The following ASIC2 variants were observed in gnomAD, a reference collection of about 807,000 sequenced individuals.
ASIC2 encodes acid-sensing ion channel 2.
ASIC2 carries 25 observed loss-of-function variants against 57.3 expected under a neutral mutation model. That is an observed-to-expected ratio of 0.44 (90% CI 0.32 to 0.61). The LOEUF (loss-of-function observed/expected upper bound fraction) is 0.61, where lower values mean the gene tolerates loss of function less well. ASIC2 is among the 20% of genes least tolerant of loss of function. The pLI is 0.06. For missense variants in ASIC2, 641 were observed against 738.1 expected, an observed-to-expected ratio of 0.87 and a Z score of 1.52; for synonymous variants, 319 against 307.5, an observed-to-expected ratio of 1.04 and a Z score of -0.39.
intron 1 of ASIC2, among the ~76,000 whole-genome samples, chr17:33,397,966 G>T (rs1316173210): frequency 1.3e-5 from 2 of 152,168 alleles, no homozygotes; most frequent in African/African-American, 4.8e-5. Context: ...TCTCAATCAG[G>T]ATCATAGTGG....
At chr17:33,617,232 A>G (rs1905635733) in intron 1 of ASIC2, among the ~76,000 whole-genome samples, 1 of 152,350 alleles carries the variant, frequency 6.6e-6, no homozygotes, top group South Asian at 2.1e-4. Flanking sequence ...TTGCAGCACT[A>G]TTCACATAGC....
chr17:33,964,125 G>C (rs546989396), intron 1 of ASIC2, among the ~76,000 whole-genome samples: 1 of 152,234 alleles, frequency 6.6e-6, no homozygotes, highest in Non-Finnish European at 1.5e-5. Context: ...CCCAGGTGAG[G>C]CTTCAGAATC....
At chr17:33,267,476 T>C (rs1448531690) in intron 1 of ASIC2, among the ~76,000 whole-genome samples, 1 of 152,194 alleles carries the variant, frequency 6.6e-6, no homozygotes, top group African/African-American at 2.4e-5. Flanking sequence ...CCACACACTC[T>C]CGAGGATCAT....
chr17:33,820,371 A>C (rs1256362589), intron 1 of ASIC2, among the ~76,000 whole-genome samples: 1 of 152,240 alleles, frequency 6.6e-6, no homozygotes, highest in African/African-American at 2.4e-5. Context: ...AAGGTAAACT[A>C]TCTTGTTAAT....
intron 1 of ASIC2, among the ~76,000 whole-genome samples, chr17:33,271,646 G>A (rs1904497012): frequency 1.3e-5 from 2 of 152,034 alleles, no homozygotes; most frequent in South Asian, 2.1e-4. Context: ...TTCAATATAT[G>A]CCAAATTGGA....
intron 1 of ASIC2, among the ~76,000 whole-genome samples, chr17:34,151,126 T>A (rs9892768): frequency 0.16 from 15,664 of 98,010 alleles, 959 homozygotes; most frequent in Non-Finnish European, 0.19. Context: ...AAAAAAAAAA[T>A]AAAGAGGTAG....
chr17:33,188,063 T>C (rs959713547), intron 1 of ASIC2, among the ~76,000 whole-genome samples: 1 of 152,052 alleles, frequency 6.6e-6, no homozygotes, highest in Admixed American at 6.5e-5. Flanking sequence ...GCTATAATCA[T>C]ATATTATTTG....
At chr17:34,127,564 C>T (rs912891504) in intron 1 of ASIC2, among the ~76,000 whole-genome samples, 3 of 152,164 alleles carry the variant, frequency 2.0e-5, no homozygotes, top group Non-Finnish European at 4.4e-5. Context: ...TTTTTCTCTA[C>T]GTATAGGTAG....
chr17:33,671,780 A>T (rs1907646255), intron 1 of ASIC2, among the ~76,000 whole-genome samples: 1 of 152,142 alleles, frequency 6.6e-6, no homozygotes, highest in Non-Finnish European at 1.5e-5. Flanking sequence ...GAGTCGCGAG[A>T]TGCACCGCTT....
chr17:33,762,316 G>T (rs1474732400), intron 1 of ASIC2, among the ~76,000 whole-genome samples: 3 of 152,160 alleles, frequency 2.0e-5, no homozygotes, highest in Non-Finnish European at 4.4e-5. Flanking sequence ...AGGGATTACA[G>T]CTCATACCCC....
chr17:33,961,770 G>C (rs568320725), intron 1 of ASIC2, among the ~76,000 whole-genome samples: 17 of 152,232 alleles, frequency 1.1e-4, no homozygotes, highest in African/African-American at 3.9e-4. Context: ...AAGGGAGTCA[G>C]GTAGCCCTGG....
intron 1 of ASIC2, among the ~76,000 whole-genome samples, chr17:33,184,604 C>T (rs1401848754): frequency 1.3e-5 from 2 of 152,176 alleles, no homozygotes; most frequent in African/African-American, 2.4e-5. Flanking sequence ...CTGCTTTGAC[C>T]TGGTTTCATC....
chr17:33,663,366 T>G (rs17783142), intron 1 of ASIC2, among the ~76,000 whole-genome samples: 8,991 of 152,246 alleles, frequency 0.059, 391 homozygotes, highest in Non-Finnish European at 0.095. Flanking sequence ...GCTTTGTAAA[T>G]GGCTCTCAGT....
At chr17:34,067,507 T>C (rs184054907) in intron 1 of ASIC2, among the ~76,000 whole-genome samples, 1 of 152,164 alleles carries the variant, frequency 6.6e-6, no homozygotes, top group Admixed American at 6.5e-5. Flanking sequence ...TGAATTGGAA[T>C]AGCTTTTTTA....
chr17:33,016,636 C>T (rs924197348), intron 8 of ASIC2, among the ~76,000 whole-genome samples: 3 of 152,056 alleles, frequency 2.0e-5, no homozygotes, highest in East Asian at 1.9e-4. Flanking sequence ...TGTGCTGAGA[C>T]GCATGAGATT....
chr17:33,102,629 C>A (rs56396486), intron 2 of ASIC2, among the ~76,000 whole-genome samples: 4 of 151,996 alleles, frequency 2.6e-5, no homozygotes, highest in Non-Finnish European at 5.9e-5. Flanking sequence ...AGAATAGCTT[C>A]CTGGATGGAC....
At chr17:33,696,342 G>C (rs557191448) in intron 1 of ASIC2, among the ~76,000 whole-genome samples, 4 of 152,330 alleles carry the variant, frequency 2.6e-5, no homozygotes, top group African/African-American at 9.6e-5. Context: ...AACAGTGCTG[G>C]AGGCTCTCTT....
intron 1 of ASIC2, among the ~76,000 whole-genome samples, chr17:33,802,453 T>C (rs922465758): frequency 3.3e-5 from 5 of 152,188 alleles, no homozygotes; most frequent in Admixed American, 2.0e-4. Context: ...AAAAGGATAG[T>C]GAAATTTGAG....
At chr17:33,733,782 C>T (rs1327205928) in intron 1 of ASIC2, among the ~76,000 whole-genome samples, 1 of 152,190 alleles carries the variant, frequency 6.6e-6, no homozygotes, top group Non-Finnish European at 1.5e-5. Context: ...TACCCTCGCT[C>T]CCGTTCAGAT....
Sources: allele counts gnomAD v4.1 joint callset (sites outside exome capture counted in the v4.1 genomes callset), GRCh38; gene constraint gnomAD v4.1.1; transcripts MANE v1.5; gene names NCBI Gene and HGNC (gene_info 2026-07-23, HGNC 2026-07-21).